Variants in LRRC37A2 observed in about 807,000 individuals in gnomAD.
The protein encoded by LRRC37A2 is leucine rich repeat containing 37 member A2.
LRRC37A2 carries 9 observed loss-of-function variants against 68.8 expected under a neutral mutation model. That is an observed-to-expected ratio of 0.13 (90% CI 0.08 to 0.23). The LOEUF is 0.23. LRRC37A2 is among the 10% of genes least tolerant of loss of function. The pLI is 1.00. For synonymous variants in LRRC37A2, 63 were observed against 367.6 expected (o/e 0.17, Z 9.48); for missense variants, 168 against 950.4 (o/e 0.18, Z 10.82).
the LRRC37A2 span, chr17:46,872,385 C>A: frequency 7.5e-7 from 1 of 1,329,552 alleles, no homozygotes; most frequent in Non-Finnish European, 9.8e-7. Flanking sequence ...AAAATGGGGA[C>A]GGGACCTCCA....
At chr17:46,744,071 T>G in the LRRC37A2 span, among the ~76,000 whole-genome samples, 1 of 152,106 alleles carries the variant, frequency 6.6e-6, no homozygotes, top group Admixed American at 6.6e-5. Context: ...ATAACCCCCC[T>G]CCAGGAAACT....
At chr17:46,733,538 C>T in the LRRC37A2 span, among the ~76,000 whole-genome samples, 1 of 152,154 alleles carries the variant, frequency 6.6e-6, no homozygotes, top group African/African-American at 2.4e-5. Flanking sequence ...AGGGTAGCCT[C>T]GTAATTTATG....
chr17:46,943,584 G>T, the LRRC37A2 span, among the ~76,000 whole-genome samples: 1 of 152,196 alleles, frequency 6.6e-6, no homozygotes, highest in African/African-American at 2.4e-5. Flanking sequence ...GCTCCTCACC[G>T]CAGGGGCCTT....
chr17:46,722,029 C>T, the LRRC37A2 span: 145 of 1,608,562 alleles, frequency 9.0e-5, 1 homozygote, highest in African/African-American at 1.1e-3. Flanking sequence ...CCTTGGCTGC[C>T]GTAATATTCA....
chr17:47,018,552 A>G, the LRRC37A2 span: 1 of 1,520,344 alleles, frequency 6.6e-7, no homozygotes, highest in Non-Finnish European at 9.1e-7. Context: ...ACCTCCCACC[A>G]TCCAGCACGG....
At chr17:46,493,071 CCTAATGA>C in the LRRC37A2 span, among the ~76,000 whole-genome samples, 1 of 146,400 alleles carries the variant, frequency 6.8e-6, no homozygotes, top group Non-Finnish European at 1.5e-5. Context: ...TTTCCTTGTC[CCTAATGA>C]CTAATGGTTC....
At chr17:46,874,990 C>T in the LRRC37A2 span, 50 of 1,543,396 alleles carry the variant, frequency 3.2e-5, no homozygotes, top group Admixed American at 2.3e-4. Context: ...CCCATCACAG[C>T]GCTGCCACCA....
the LRRC37A2 span, among the ~76,000 whole-genome samples, chr17:46,635,777 A>ATATG: frequency 8.6e-6 from 1 of 116,704 alleles, no homozygotes; most frequent in Non-Finnish European, 1.9e-5. Flanking sequence ...GGGAAAATAA[A>ATATG]TGTGTGTGTG....
the LRRC37A2 span, among the ~76,000 whole-genome samples, chr17:46,811,660 T>C: frequency 3.3e-5 from 5 of 152,144 alleles, no homozygotes; most frequent in East Asian, 9.7e-4. Flanking sequence ...TCTCAGAAGA[T>C]TCTAGAAACT....
At chr17:46,499,087 G>C in the LRRC37A2 span, among the ~76,000 whole-genome samples, 33 of 147,720 alleles carry the variant, frequency 2.2e-4, 2 homozygotes, top group African/African-American at 5.5e-4. Flanking sequence ...GGCCTAGGCA[G>C]GTGGATCACT....
the LRRC37A2 span, among the ~76,000 whole-genome samples, chr17:46,877,461 C>T: frequency 1.3e-5 from 2 of 152,204 alleles, no homozygotes; most frequent in African/African-American, 4.8e-5. Flanking sequence ...GTGCTCAAAA[C>T]TACCACCAGT....
the LRRC37A2 span, among the ~76,000 whole-genome samples, chr17:46,914,624 C>T: frequency 1.6e-5 from 2 of 125,512 alleles, no homozygotes; most frequent in South Asian, 2.6e-4. Flanking sequence ...GTACTCCAGC[C>T]TGTGGGGCAG....
chr17:46,956,944 C>T, the LRRC37A2 span, among the ~76,000 whole-genome samples: 4 of 152,174 alleles, frequency 2.6e-5, no homozygotes, highest in Non-Finnish European at 5.9e-5. Flanking sequence ...GAAAGCCACA[C>T]AAGAAGGAAA....
the LRRC37A2 span, among the ~76,000 whole-genome samples, chr17:46,765,200 A>G: frequency 6.6e-6 from 1 of 152,372 alleles, no homozygotes; most frequent in Non-Finnish European, 1.5e-5. Flanking sequence ...AGGCCAAGAT[A>G]AGACTACTTT....
the LRRC37A2 span, among the ~76,000 whole-genome samples, chr17:46,900,223 A>ATATATATATACACACATATATATATG: frequency 5.2e-4 from 69 of 131,854 alleles, no homozygotes; most frequent in East Asian, 0.012. Flanking sequence ...ACACACACAT[A>ATATATATATACACACATATATATATG]TATATATATA....
chr17:46,867,889 G>T, the LRRC37A2 span, among the ~76,000 whole-genome samples: 1 of 152,146 alleles, frequency 6.6e-6, no homozygotes, highest in Admixed American at 6.5e-5. Context: ...GTCATCGCAT[G>T]TGTGGAGGTG....
chr17:46,896,463 A>G, the LRRC37A2 span, among the ~76,000 whole-genome samples: 1 of 136,102 alleles, frequency 7.3e-6, no homozygotes, highest in Admixed American at 7.1e-5. Flanking sequence ...AAAGAAAGAA[A>G]GAAAGAAAGA....
the LRRC37A2 span, among the ~76,000 whole-genome samples, chr17:46,697,462 A>G: frequency 3.4e-5 from 5 of 148,158 alleles, no homozygotes; most frequent in East Asian, 4.2e-4. Context: ...CGCCCGCCTC[A>G]GCCTCCCAAA....
the LRRC37A2 span, among the ~76,000 whole-genome samples, chr17:46,977,596 G>A: frequency 6.6e-6 from 1 of 152,214 alleles, no homozygotes; most frequent in Non-Finnish European, 1.5e-5. Flanking sequence ...TCCCCTGCAG[G>A]CAACTGCGTT....
Sources: allele counts gnomAD v4.1 joint callset (sites outside exome capture counted in the v4.1 genomes callset), GRCh38; gene constraint gnomAD v4.1.1; transcripts MANE v1.5; gene names NCBI Gene and HGNC (gene_info 2026-07-23, HGNC 2026-07-21).